PAQR3: variants seen among roughly 807,000 people sequenced by gnomAD.
PAQR3 encodes Raf kinase trapping to Golgi.
In PAQR3, 39 loss-of-function variants were observed where a neutral mutation model predicts 41.7. That is an observed-to-expected ratio of 0.93 (90% CI 0.72 to 1.22). The LOEUF (loss-of-function observed/expected upper bound fraction) is 1.22. PAQR3 is among the 50% of genes most tolerant of loss of function. The probability of loss-of-function intolerance (pLI) is 0.00; values close to 1 mark genes in which losing one functional copy is unlikely to be tolerated. For missense variants in PAQR3, 366 were observed against 385.6 expected (o/e 0.95, Z 0.42); for synonymous variants, 140 against 140.6 (o/e 1.00, Z 0.03).
At chr4:78,928,052 T>C (rs1196072531) in intron 3 of PAQR3, among the ~76,000 whole-genome samples, 1 of 152,234 alleles carries the variant, frequency 6.6e-6, no homozygotes, top group African/African-American at 2.4e-5. Context: ...GGACTGACTC[T>C]ATCAGCTTCA....
intron 1 of PAQR3, among the ~76,000 whole-genome samples, chr4:78,935,648 A>G (rs1206503749): frequency 6.6e-6 from 1 of 152,198 alleles, no homozygotes; most frequent in Non-Finnish European, 1.5e-5. Context: ...AGATTAGTCT[A>G]TAGACTAAAG....
chr4:78,923,041 T>C, intron 5 of PAQR3: 2 of 449,680 alleles, frequency 4.4e-6, no homozygotes, highest in South Asian at 3.1e-5. Flanking sequence ...ACACAAAGAC[T>C]CTTAACTTTC....
At chr4:78,936,999 C>G (rs962713864) in intron 1 of PAQR3, among the ~76,000 whole-genome samples, 1 of 152,174 alleles carries the variant, frequency 6.6e-6, no homozygotes, top group Non-Finnish European at 1.5e-5. Context: ...TCTACTCTTA[C>G]TGTACGAAAA....
chr4:78,891,077 A>G (rs1733408598), intron 11 of PAQR3, among the ~76,000 whole-genome samples: 2 of 152,138 alleles, frequency 1.3e-5, no homozygotes, highest in Non-Finnish European at 2.9e-5. Context: ...AAAAGTTTGT[A>G]TTTTCCCTAA....
chr4:78,913,298 T>C lies in PAQR3; in HGVS notation c.*7241A>G, dbSNP rs1040633188. 4 of 152,184 alleles carry C rather than the reference T, an allele frequency of 2.6e-5. No individual in the cohort carries two copies. The highest frequency in any genetic ancestry group is 5.9e-5 in the Non-Finnish European group (4 of 68,014). The allele number at this position is 152,184 out of a possible 1,614,324, so 9.4% of individuals were successfully genotyped here. On this transcript the variant is annotated 3_prime_UTR_variant, in exon 6 of 6. Transcript: ENST00000512733. ...CTAGCATCTTAATTCTGCTAGTTGATTGTGTCTTTACTGAAAAGAACCCAG... is the reference window on the plus strand; with the variant it reads ...CTAGCATCTTAATTCTGCTAGTTGACTGTGTCTTTACTGAAAAGAACCCAG...
rs1395051877 is a variant in PAQR3 at position 78,916,256 on chromosome 4, ACT to A, written c.*4281_*4282del. The A allele has an allele frequency of 6.6e-6, 1 of 151,610 alleles. No individual in the cohort carries two copies. Among genetic ancestry groups the A allele is most frequent in the East Asian group, 1.9e-4 (1 of 5,192 alleles). 9.4% of individuals were successfully genotyped at this position (151,610 alleles called of 1,614,324 possible). On this transcript the variant is annotated 3_prime_UTR_variant, in exon 6 of 6. Coordinates refer to ENST00000512733, the MANE Select transcript of PAQR3 (RefSeq NM_001040202.2). Reference sequence around the variant, plus strand: ...TTTGACTGAATTCTGTCCCTGATTCACTGTTTTGTTTGAAATTTAAAGTTATT... The same window carrying A: ...TTTGACTGAATTCTGTCCCTGATTCAGTTTTGTTTGAAATTTAAAGTTATT...
In PAQR3 at chr4:78,913,508, G is replaced by C. The variant is rs1285981336; in HGVS notation, c.*7031C>G. The C allele has an allele frequency of 1.3e-5, 2 of 152,100 alleles. No homozygotes were observed. Among genetic ancestry groups the C allele is most frequent in the Admixed American group, 6.6e-5 (1 of 15,264 alleles). 9.4% of individuals were successfully genotyped at this position (152,100 alleles called of 1,614,324 possible). A position where few individuals can be genotyped will look rare whatever the true frequency, so the allele number is the denominator to read the frequency against. On this transcript the variant is annotated 3_prime_UTR_variant, in exon 6 of 6. Coordinates refer to ENST00000512733, the MANE Select transcript of PAQR3 (RefSeq NM_001040202.2). ...TCAGATTAACATTTGGAAGTTTCTA[G>C]AACAGTTAATGCTATTTACAGAAAG...
chr4:78,933,383 G>C (rs983485388), intron 2 of PAQR3, among the ~76,000 whole-genome samples: 1 of 152,272 alleles, frequency 6.6e-6, no homozygotes, highest in African/African-American at 2.4e-5. Context: ...TGTTCAGAAT[G>C]TACTCTATTT....
Position 78,912,535 on chromosome 4 carries a change from T to C in PAQR3, c.*8004A>G, listed in dbSNP as rs1249327586. 1 of 153,020 alleles carries C rather than the reference T, an allele frequency of 6.5e-6. No individual in the cohort carries two copies. Among genetic ancestry groups the C allele is most frequent in the East Asian group, 1.9e-4 (1 of 5,190 alleles). 9.5% of individuals were successfully genotyped at this position (153,020 alleles called of 1,614,324 possible). A position where few individuals can be genotyped will look rare whatever the true frequency, so the allele number is the denominator to read the frequency against. On this transcript the variant is annotated 3_prime_UTR_variant, in exon 6 of 6. Transcript: ENST00000512733. Reference sequence around the variant, plus strand: ...CATTAGAAAGTTATTATCTGGAGAGTGCAGAGATTTCAGTCCATACACCTT... The same window carrying C: ...CATTAGAAAGTTATTATCTGGAGAGCGCAGAGATTTCAGTCCATACACCTT...
chr4:78,930,895 T>C (rs986687799), intron 2 of PAQR3, among the ~76,000 whole-genome samples: 18 of 151,616 alleles, frequency 1.2e-4, no homozygotes, highest in Admixed American at 2.0e-4. Flanking sequence ...TATATATATA[T>C]ATATATATAT....
chr4:78,919,996 T>C lies in PAQR3; in HGVS notation c.*543A>G. 1 of 985,204 alleles carries C rather than the reference T, an allele frequency of 1.0e-6. No individual in the cohort carries two copies. Among genetic ancestry groups the C allele is most frequent in the Non-Finnish European group, 1.2e-6 (1 of 829,444 alleles). The allele number at this position is 985,204 out of a possible 1,614,324, so 61.0% of individuals were successfully genotyped here. A position where few individuals can be genotyped will look rare whatever the true frequency, so the allele number is the denominator to read the frequency against. ...ATGTTCTTAGGGAGAGAAGAACCTATAGCTAAAGGATATAATATCTGAAGT... is the reference window on the plus strand; with the variant it reads ...ATGTTCTTAGGGAGAGAAGAACCTACAGCTAAAGGATATAATATCTGAAGT... On this transcript the variant is annotated 3_prime_UTR_variant, in exon 6 of 6. Coordinates refer to ENST00000512733, the MANE Select transcript of PAQR3 (RefSeq NM_001040202.2).
In PAQR3 at chr4:78,939,299, C is replaced by T. The variant is rs1467206730; in HGVS notation, c.-75G>A. 8 of 1,379,282 alleles carry T rather than the reference C, an allele frequency of 5.8e-6. No individual in the cohort carries two copies. Among genetic ancestry groups the T allele is most frequent in the Non-Finnish European group, 7.7e-6 (8 of 1,041,418 alleles). 85.4% of individuals were successfully genotyped at this position (1,379,282 alleles called of 1,614,324 possible). On this transcript the variant is annotated 5_prime_UTR_variant, in exon 1 of 6. Coordinates refer to ENST00000512733, the MANE Select transcript of PAQR3 (RefSeq NM_001040202.2). ...CCTCCCCGGGGAGGGGGCTTCGCCG[C>T]TGGCGCCCCCGCCCCGGAGCCCGCG... is the stretch of plus-strand genomic sequence containing the variant.
intron 11 of PAQR3, among the ~76,000 whole-genome samples, chr4:78,898,637 G>A (rs1191720790): frequency 6.7e-6 from 1 of 148,154 alleles, no homozygotes; most frequent in Non-Finnish European, 1.5e-5. Flanking sequence ...TCCATTGGGC[G>A]ACAGAGCGAG....
intron 11 of PAQR3, among the ~76,000 whole-genome samples, chr4:78,889,018 A>G (rs1412062087): frequency 3.9e-5 from 6 of 152,052 alleles, no homozygotes; most frequent in Admixed American, 6.5e-5. Context: ...TCAGGAGATC[A>G]AGACCATCCT....
At position 78,920,638 on chromosome 4, in the gene PAQR3, G is replaced by A; in HGVS notation, c.837C>T (p.Ile279=). 1 of 1,610,828 alleles carries A rather than the reference G, an allele frequency of 6.2e-7. No homozygotes were observed. The change falls in exon 6 of 6, where the codon ATC becomes ATT. Residue 279 remains isoleucine (I), a synonymous_variant. Coordinates refer to ENST00000512733, the MANE Select transcript of PAQR3 (RefSeq NM_001040202.2). Reference sequence around the variant, plus strand: ...ACCAATATAACATCACTACTGCAAGGATATGCCATATTTGGTGGCTTGATC... The same window carrying A: ...ACCAATATAACATCACTACTGCAAGAATATGCCATATTTGGTGGCTTGATC... ...YLGSSHQIWH[I]LAVVMLYWWH...
At chr4:78,923,785 A>G in intron 5 of PAQR3, 72 bp downstream of exon 5, 1 of 939,016 alleles carries the variant, frequency 1.1e-6, no homozygotes, top group Non-Finnish European at 1.7e-6. Flanking sequence ...CTAAGTTTTG[A>G]TGCTCTGATG....
intron 11 of PAQR3, among the ~76,000 whole-genome samples, chr4:78,901,862 A>G (rs1734025343): frequency 6.6e-6 from 1 of 152,186 alleles, no homozygotes; most frequent in African/African-American, 2.4e-5. Flanking sequence ...CTTATATTGC[A>G]TTTAATTTTT....
chr4:78,929,765 G>T (rs1408658408), intron 3 of PAQR3, among the ~76,000 whole-genome samples: 1 of 151,810 alleles, frequency 6.6e-6, no homozygotes, highest in Non-Finnish European at 1.5e-5. Flanking sequence ...ACTGAGAGGA[G>T]AAAAAAGAAA....
chr4:78,938,960 G>GTCC (rs1189302931), intron 1 of PAQR3, 80 bp downstream of exon 1: 2 of 1,356,044 alleles, frequency 1.5e-6, no homozygotes, highest in African/African-American at 3.0e-5. Flanking sequence ...CAGAAAGGCG[G>GTCC]GGAAAGCAGA....
Sources: allele counts gnomAD v4.1 joint callset (sites outside exome capture counted in the v4.1 genomes callset), GRCh38; gene constraint gnomAD v4.1.1; transcripts MANE v1.5; gene names NCBI Gene and HGNC (gene_info 2026-07-23, HGNC 2026-07-21).